Variants in NELL1 observed in about 807,000 individuals in gnomAD.
NELL1 encodes the protein neural EGFL like 1, also known as protein kinase C-binding protein NELL1.
In NELL1, 76 loss-of-function variants were observed where a neutral mutation model predicts 107.4. The observed-to-expected ratio is 0.71, with a 90% CI of 0.59 to 0.86. The LOEUF is 0.86. Ranked by LOEUF, NELL1 falls within the 40% of genes least tolerant of loss-of-function variation. NELL1 has a pLI of 0.00. For synonymous variants in NELL1, 353 were observed against 341.2 expected (o/e 1.03, Z -0.38); for missense variants, 1,024 against 1,005.5 (o/e 1.02, Z -0.25).
At chr11:21,566,613 C>T (rs1856979816) in intron 17 of NELL1, among the ~76,000 whole-genome samples, 1 of 151,724 alleles carries the variant, frequency 6.6e-6, no homozygotes, top group South Asian at 2.1e-4. Flanking sequence ...ACATCTTTGG[C>T]ATATAAGTAG....
In NELL1 at chr11:20,753,473, T is replaced by A. The variant is rs117490591; in HGVS notation, c.185-30207T>A. ...TTTGAACCCTGGAAGGTGGAATCAG[T>A]TCAGTTTGGTCTTTGTGCCCCTACA... is the stretch of plus-strand genomic sequence containing the variant. On this transcript the variant is annotated intron_variant, in intron 2 of 19. Transcript: ENST00000357134. Among the ~76,000 whole-genome samples, 616 of 152,332 alleles carry A rather than the reference T, an allele frequency of 4.0e-3. 3 individuals carry two copies. Among genetic ancestry groups the A allele is most frequent in the Middle Eastern group, 0.014 (4 of 294 alleles).
intron 2 of NELL1, among the ~76,000 whole-genome samples, chr11:20,717,112 T>A (rs184587895): frequency 1.9e-4 from 29 of 152,338 alleles, no homozygotes; most frequent in Admixed American, 7.2e-4. Context: ...TCCTTGTTCA[T>A]GGCTTTTAAA....
chr11:20,764,283 C>A (rs1454317963), intron 2 of NELL1, among the ~76,000 whole-genome samples: 3 of 152,156 alleles, frequency 2.0e-5, no homozygotes, highest in South Asian at 2.1e-4. Flanking sequence ...TAATAAATTA[C>A]ATATGTGTTA....
At chr11:21,339,932 G>GT (rs1325286539) in intron 14 of NELL1, among the ~76,000 whole-genome samples, 1 of 152,108 alleles carries the variant, frequency 6.6e-6, no homozygotes, top group African/African-American at 2.4e-5. Context: ...TAAATGCTCC[G>GT]TGAGGCAAAC....
intron 15 of NELL1, among the ~76,000 whole-genome samples, chr11:21,516,532 C>T (rs142997675): frequency 1.3e-5 from 2 of 152,218 alleles, no homozygotes; most frequent in East Asian, 1.9e-4. Context: ...CTACTACACA[C>T]GTAGGCTATG....
chr11:21,461,335 CA>C (rs1460650383), intron 15 of NELL1, among the ~76,000 whole-genome samples: 1 of 152,078 alleles, frequency 6.6e-6, no homozygotes, highest in Non-Finnish European at 1.5e-5. Flanking sequence ...GGAGCAGGGA[CA>C]ACCTATTTTA....
intron 15 of NELL1, among the ~76,000 whole-genome samples, chr11:21,438,963 G>A (rs59641603): frequency 0.029 from 4,409 of 151,806 alleles, 219 homozygotes; most frequent in African/African-American, 0.099. Context: ...AGGCATGTGA[G>A]GTTGACTCAT....
At chr11:20,845,555 G>T (rs1848688517) in intron 3 of NELL1, among the ~76,000 whole-genome samples, 1 of 152,122 alleles carries the variant, frequency 6.6e-6, no homozygotes, top group Non-Finnish European at 1.5e-5. Context: ...ATCCTGGTAG[G>T]ATCTCAAATA....
intron 12 of NELL1, among the ~76,000 whole-genome samples, chr11:21,089,829 T>C (rs1854481192): frequency 6.6e-6 from 1 of 152,178 alleles, no homozygotes; most frequent in African/African-American, 2.4e-5. Context: ...TTTGGGGATA[T>C]TTCAAAAGAG....
chr11:21,083,312 G>C (rs1490654972), intron 12 of NELL1, among the ~76,000 whole-genome samples: 1 of 152,168 alleles, frequency 6.6e-6, no homozygotes, highest in African/African-American at 2.4e-5. Context: ...TGAGGTCAGA[G>C]GGTATAGGGG....
intron 15 of NELL1, among the ~76,000 whole-genome samples, chr11:21,484,523 T>A (rs1854578071): frequency 2.0e-5 from 3 of 152,038 alleles, no homozygotes. Flanking sequence ...AATTTACAAA[T>A]GCACACTCAT....
chr11:20,831,006 C>A (rs1041551159), intron 3 of NELL1, among the ~76,000 whole-genome samples: 1 of 152,160 alleles, frequency 6.6e-6, no homozygotes, highest in African/African-American at 2.4e-5. Flanking sequence ...GGGAACTTGA[C>A]TTTTGAAGCT....
At chr11:21,218,150 C>T (rs1245161741) in intron 13 of NELL1, among the ~76,000 whole-genome samples, 1 of 152,026 alleles carries the variant, frequency 6.6e-6, no homozygotes, top group Non-Finnish European at 1.5e-5. Flanking sequence ...TACATCCATC[C>T]TAAATGTGTA....
At chr11:20,917,522 A>G (rs1459367044) in intron 5 of NELL1, among the ~76,000 whole-genome samples, 1 of 152,008 alleles carries the variant, frequency 6.6e-6, no homozygotes, top group Non-Finnish European at 1.5e-5. Flanking sequence ...CTGCCATCAA[A>G]TCAGAAAAAA....
At chr11:20,726,553 A>G (rs999543185) in intron 2 of NELL1, among the ~76,000 whole-genome samples, 1 of 152,184 alleles carries the variant, frequency 6.6e-6, no homozygotes, top group African/African-American at 2.4e-5. Context: ...CTTTAAAAAA[A>G]AAACACTCAA....
At chr11:21,556,424 T>G (rs1351040053) in intron 16 of NELL1, among the ~76,000 whole-genome samples, 1 of 152,052 alleles carries the variant, frequency 6.6e-6, no homozygotes, top group Non-Finnish European at 1.5e-5. Flanking sequence ...AATCAACCTG[T>G]AGAAGTATTA....
Position 20,847,723 on chromosome 11 carries a change from C to T in NELL1, c.476C>T (p.Ser159Phe), listed in dbSNP as rs1390789276. The change falls in exon 4 of 20, where the codon TCT becomes TTT. Residue 159 changes from serine to phenylalanine, a missense_variant. By Grantham distance (155) the Ser-to-Phe change is radical. Transcript: ENST00000357134. ...AAGGTTGCACTGTCAGTTAGCGCCT[C>T]TCATCTCCTGCTCCATGTCGACTGT... Reference protein sequence around the residue: ...WHKVALSVSASHLLLHVDCNR... With the variant: ...WHKVALSVSAFHLLLHVDCNR... 1 of 1,612,916 alleles carries T rather than the reference C, an allele frequency of 6.2e-7. No individual in the cohort carries two copies.
chr11:20,673,187 C>T (rs1043930853), intron 1 of NELL1, among the ~76,000 whole-genome samples: 6 of 151,996 alleles, frequency 3.9e-5, no homozygotes, highest in Non-Finnish European at 5.9e-5. Context: ...GGAAGGAACT[C>T]TCAGGTGGAT....
At chr11:20,785,042 A>C (rs1856926103) in intron 3 of NELL1, among the ~76,000 whole-genome samples, 1 of 152,234 alleles carries the variant, frequency 6.6e-6, no homozygotes, top group Non-Finnish European at 1.5e-5. Flanking sequence ...CTCTTGAAGC[A>C]CAGGCAGAAT....
Sources: allele counts gnomAD v4.1 joint callset (sites outside exome capture counted in the v4.1 genomes callset), GRCh38; gene constraint gnomAD v4.1.1; transcripts MANE v1.5; gene names NCBI Gene and HGNC (gene_info 2026-07-23, HGNC 2026-07-21).